The following FTO variants were observed in gnomAD, a reference collection of about 807,000 sequenced individuals.
The protein encoded by FTO is alpha-ketoglutarate-dependent dioxygenase FTO.
Under a neutral mutation model 63.9 loss-of-function variants are expected in FTO, and 47 were observed. That is an observed-to-expected ratio of 0.74 (90% CI 0.58 to 0.94). FTO has a LOEUF of 0.94. Ranked by LOEUF, FTO falls within the 40% of genes least tolerant of loss-of-function variation. FTO has a pLI of 0.00. For missense variants in FTO, 562 were observed against 618.1 expected (o/e 0.91, Z 0.96); for synonymous variants, 207 against 224.4 (o/e 0.92, Z 0.69).
At chr16:53,975,794 T>C (rs1323967250) in intron 8 of FTO, among the ~76,000 whole-genome samples, 1 of 152,210 alleles carries the variant, frequency 6.6e-6, no homozygotes, top group Non-Finnish European at 1.5e-5. Context: ...TTTATGTGGC[T>C]CACCCAAGCA....
chr16:53,748,609 C>T (rs1372653347), intron 1 of FTO, among the ~76,000 whole-genome samples: 2 of 152,108 alleles, frequency 1.3e-5, no homozygotes, highest in African/African-American at 4.8e-5. Flanking sequence ...TGTGCACCAC[C>T]ATGCCTGGCT....
At chr16:54,021,575 C>T (rs761897325) in intron 8 of FTO, among the ~76,000 whole-genome samples, 19 of 152,248 alleles carry the variant, frequency 1.2e-4, no homozygotes, top group East Asian at 9.7e-4. Flanking sequence ...CTGCAACCTC[C>T]GCCTCCTGGG....
intron 3 of FTO, among the ~76,000 whole-genome samples, chr16:53,842,217 C>T (rs2079497887): frequency 6.6e-6 from 1 of 152,120 alleles, no homozygotes; most frequent in African/African-American, 2.4e-5. Context: ...AGATCAGAGT[C>T]TAGTACAGCA....
intron 1 of FTO, among the ~76,000 whole-genome samples, chr16:53,719,495 C>T (rs1007918120): frequency 3.3e-5 from 5 of 151,964 alleles, no homozygotes; most frequent in Admixed American, 3.3e-4. Flanking sequence ...ATAACATTCT[C>T]TGGTTTACTA....
chr16:53,796,815 T>C (rs1005276954), intron 1 of FTO, among the ~76,000 whole-genome samples: 1 of 152,222 alleles, frequency 6.6e-6, no homozygotes. Context: ...ATAATTGATA[T>C]AGAATAAACT....
chr16:54,082,838 C>A (rs1380958561), intron 8 of FTO, among the ~76,000 whole-genome samples: 2 of 152,150 alleles, frequency 1.3e-5, no homozygotes, highest in Non-Finnish European at 2.9e-5. Context: ...AAACAAACTT[C>A]CTGAGAAGAG....
rs1047445461 is a variant in FTO at position 53,968,530 on chromosome 16, A to C, written c.1364+34421A>C. Among the ~76,000 whole-genome samples the C allele has an allele frequency of 4.6e-5, 7 of 152,330 alleles. No individual in the cohort carries two copies. In the East Asian group the frequency reaches 1.4e-3, roughly 29 times the overall value. ...CTAGGACTCGTGGCAGGCAGTCTTG[A>C]ATTGTGGCTGTGGGCTGGCTCTAAG... On this transcript the variant is annotated intron_variant, in intron 8 of 8. Coordinates refer to ENST00000471389, the MANE Select transcript of FTO (RefSeq NM_001080432.3).
chr16:54,073,466 C>T (rs576077132), intron 8 of FTO, among the ~76,000 whole-genome samples: 4 of 152,146 alleles, frequency 2.6e-5, no homozygotes, highest in East Asian at 1.9e-4. Flanking sequence ...TTTTCAGGAA[C>T]GTGTGTGGCC....
chr16:53,709,128 GTTTTTA>G (rs1011104454), intron 1 of FTO, among the ~76,000 whole-genome samples: 4 of 152,138 alleles, frequency 2.6e-5, no homozygotes, highest in Admixed American at 1.3e-4. Flanking sequence ...TGGGCACTTA[GTTTTTA>G]TTTTTCTTTT....
chr16:53,869,754 C>T (rs1567380224), intron 4 of FTO, among the ~76,000 whole-genome samples: 1 of 152,136 alleles, frequency 6.6e-6, no homozygotes, highest in Non-Finnish European at 1.5e-5. Flanking sequence ...CTTACGTTCC[C>T]CATCAGTTCT....
At position 54,112,286 on chromosome 16, in the gene FTO, G is replaced by A. The variant is rs1246708615; in HGVS notation, c.*371G>A. The A allele has an allele frequency of 6.3e-6, 2 of 315,384 alleles. No homozygotes were observed. The allele number at this position is 315,384 out of a possible 1,614,324, so 19.5% of individuals were successfully genotyped here. On this transcript the variant is annotated 3_prime_UTR_variant, in exon 9 of 9. Coordinates refer to ENST00000471389, the MANE Select transcript of FTO (RefSeq NM_001080432.3). ...GACTCTGGAGTGGACCCAGCCCTCT[G>A]GGGAAAGACAGAACTTAGAGACATC... is the stretch of plus-strand genomic sequence containing the variant.
At chr16:53,790,316 T>C (rs1428732099) in intron 1 of FTO, among the ~76,000 whole-genome samples, 1 of 151,882 alleles carries the variant, frequency 6.6e-6, no homozygotes, top group African/African-American at 2.4e-5. Context: ...CAACCACCAT[T>C]CTATTTTCTG....
At chr16:53,860,463 A>G (rs971419145) in intron 4 of FTO, among the ~76,000 whole-genome samples, 1 of 152,206 alleles carries the variant, frequency 6.6e-6, no homozygotes, top group Admixed American at 6.5e-5. Flanking sequence ...ATTTATAAAG[A>G]AGTTTCATTG....
intron 8 of FTO, among the ~76,000 whole-genome samples, chr16:54,080,300 G>A (rs2086111415): frequency 1.3e-5 from 2 of 152,122 alleles, no homozygotes; most frequent in African/African-American, 4.8e-5. Flanking sequence ...GTCACAGCTT[G>A]CAGACACCAA....
chr16:54,088,135 T>C (rs1157412265), intron 8 of FTO, among the ~76,000 whole-genome samples: 1 of 152,178 alleles, frequency 6.6e-6, no homozygotes, highest in Non-Finnish European at 1.5e-5. Context: ...TTCTTGCCCT[T>C]CCAAATATTC....
At position 54,102,544 on chromosome 16, in the gene FTO, C is replaced by T. The variant is rs142545749; in HGVS notation, c.1365-9218C>T. On this transcript the variant is annotated intron_variant, in intron 8 of 8. Coordinates refer to ENST00000471389, the MANE Select transcript of FTO (RefSeq NM_001080432.3). ...TGGGCAACCTAGAGTGACCCCATCT[C>T]AAAACAAAACAAAAAGCCCTGATGT... Among the ~76,000 whole-genome samples, 173 of 152,154 alleles carry T rather than the reference C, an allele frequency of 1.1e-3. 4 individuals are homozygous for T. The East Asian group carries it at 0.03, about 26-fold the overall frequency.
chr16:53,960,575 G>A (rs932564696), intron 8 of FTO, among the ~76,000 whole-genome samples: 1 of 152,196 alleles, frequency 6.6e-6, no homozygotes, highest in African/African-American at 2.4e-5. Context: ...TACCTCTGGT[G>A]CTGGGGGAAT....
chr16:53,948,545 C>A (rs73614138), intron 8 of FTO, among the ~76,000 whole-genome samples: 4 of 152,198 alleles, frequency 2.6e-5, no homozygotes, highest in African/African-American at 4.8e-5. Context: ...TCCTGGCCAG[C>A]GGACATTCAC....
chr16:53,934,730 C>G (rs2082350867), intron 8 of FTO, among the ~76,000 whole-genome samples: 2 of 152,102 alleles, frequency 1.3e-5, no homozygotes, highest in Admixed American at 6.5e-5. Context: ...ATTAGTGTAT[C>G]TAAGCATAGC....
Sources: allele counts gnomAD v4.1 joint callset (sites outside exome capture counted in the v4.1 genomes callset), GRCh38; gene constraint gnomAD v4.1.1; transcripts MANE v1.5; gene names NCBI Gene and HGNC (gene_info 2026-07-23, HGNC 2026-07-21).